PRR16: variants seen among roughly 807,000 people sequenced by gnomAD.
PRR16 encodes protein Largen.
PRR16 carries 6 observed loss-of-function variants against 18.2 expected under a neutral mutation model. That is an observed-to-expected ratio of 0.33 (90% confidence interval 0.18 to 0.65). PRR16 has a LOEUF of 0.65. Among genes scored for constraint, PRR16 ranks in the 30% least tolerant of loss-of-function variants. The pLI is 0.74. For missense variants in PRR16, 412 were observed against 376.6 expected (o/e 1.09, Z -0.78); for synonymous variants, 151 against 147.8 (o/e 1.02, Z -0.16).
At chr5:120,767,949 C>T in the PRR16 span, among the ~76,000 whole-genome samples, 1 of 151,746 alleles carries the variant, frequency 6.6e-6, no homozygotes, top group African/African-American at 2.4e-5. Context: ...TTATAAAAGT[C>T]ACCACTTAAA....
chr5:120,576,460 A>G (rs753434578), intron 1 of PRR16, among the ~76,000 whole-genome samples: 8 of 152,178 alleles, frequency 5.3e-5, no homozygotes, highest in Admixed American at 1.3e-4. Flanking sequence ...TAAAACTACA[A>G]TGAGACATTA....
the PRR16 span, among the ~76,000 whole-genome samples, chr5:120,773,925 G>T: frequency 6.6e-6 from 1 of 152,020 alleles, no homozygotes; most frequent in Non-Finnish European, 1.5e-5. Flanking sequence ...GCATCTCTAT[G>T]TGTGGGTATT....
chr5:120,541,912 C>G (rs938142342), intron 1 of PRR16, among the ~76,000 whole-genome samples: 3 of 151,844 alleles, frequency 2.0e-5, no homozygotes, highest in African/African-American at 7.3e-5. Context: ...GAATTTACCC[C>G]CTTCCTTTCC....
At chr5:120,509,571 A>C (rs1261001028) in intron 1 of PRR16, among the ~76,000 whole-genome samples, 1 of 152,060 alleles carries the variant, frequency 6.6e-6, no homozygotes, top group African/African-American at 2.4e-5. Context: ...CTCATAGTTA[A>C]ATGTAGTAGT....
chr5:120,719,501 C>T, the PRR16 span, among the ~76,000 whole-genome samples: 2 of 151,930 alleles, frequency 1.3e-5, no homozygotes, highest in Admixed American at 6.6e-5. Flanking sequence ...CTGTTATAAT[C>T]GCAAAAGGAC....
intron 1 of PRR16, among the ~76,000 whole-genome samples, chr5:120,613,660 G>T (rs556587509): frequency 6.6e-6 from 1 of 152,074 alleles, no homozygotes; most frequent in Non-Finnish European, 1.5e-5. Flanking sequence ...GGTCTTCTAT[G>T]CAATTTCAAC....
At chr5:120,702,650 C>T in the PRR16 span, among the ~76,000 whole-genome samples, 228 of 152,228 alleles carry the variant, frequency 1.5e-3, 2 homozygotes, top group Non-Finnish European at 3.8e-4. Context: ...CCGTGACCGG[C>T]GCCGGAGTTT....
At chr5:120,550,271 G>C (rs968844082) in intron 1 of PRR16, among the ~76,000 whole-genome samples, 2 of 152,004 alleles carry the variant, frequency 1.3e-5, no homozygotes, top group African/African-American at 4.8e-5. Flanking sequence ...TGCATGTTGG[G>C]TTTGAATAGC....
At chr5:120,576,730 C>G (rs1753090872) in intron 1 of PRR16, among the ~76,000 whole-genome samples, 1 of 152,112 alleles carries the variant, frequency 6.6e-6, no homozygotes, top group African/African-American at 2.4e-5. Flanking sequence ...TCCTAAGTTT[C>G]TAGCCTCCTG....
At chr5:120,682,877 C>A (rs1757013680) in intron 1 of PRR16, among the ~76,000 whole-genome samples, 1 of 152,040 alleles carries the variant, frequency 6.6e-6, no homozygotes, top group Non-Finnish European at 1.5e-5. Context: ...AAGAAATAAC[C>A]CTCGGAGCAT....
At chr5:120,571,059 A>C (rs1380508920) in intron 1 of PRR16, among the ~76,000 whole-genome samples, 2 of 152,154 alleles carry the variant, frequency 1.3e-5, no homozygotes, top group African/African-American at 4.8e-5. Flanking sequence ...GTCTTCTCTT[A>C]GAAGACGGCA....
the PRR16 span, among the ~76,000 whole-genome samples, chr5:120,755,140 T>G: frequency 6.6e-6 from 1 of 151,852 alleles, no homozygotes; most frequent in East Asian, 1.9e-4. Context: ...TGGATACATA[T>G]GTAACAAACC....
chr5:120,772,049 A>G, the PRR16 span, among the ~76,000 whole-genome samples: 7 of 152,202 alleles, frequency 4.6e-5, no homozygotes, highest in East Asian at 1.2e-3. Context: ...ATTTTAAATA[A>G]TCATGTATTA....
chr5:120,780,799 C>A, the PRR16 span, among the ~76,000 whole-genome samples: 1 of 152,220 alleles, frequency 6.6e-6, no homozygotes, highest in African/African-American at 2.4e-5. Context: ...GCCTGTAATC[C>A]CGGCGCTCTG....
the PRR16 span, among the ~76,000 whole-genome samples, chr5:120,703,157 T>TG: frequency 6.8e-6 from 1 of 147,896 alleles, no homozygotes; most frequent in African/African-American, 2.5e-5. Context: ...CGGGCAGGAG[T>TG]GGGGGTCGCA....
the PRR16 span, among the ~76,000 whole-genome samples, chr5:120,755,275 C>T: frequency 1.3e-5 from 2 of 151,774 alleles, no homozygotes; most frequent in African/African-American, 4.8e-5. Context: ...GCATGTTTGG[C>T]CTCTTATGTG....
chr5:120,665,465 G>A (rs1051744377), intron 1 of PRR16, among the ~76,000 whole-genome samples: 1 of 152,054 alleles, frequency 6.6e-6, no homozygotes, highest in African/African-American at 2.4e-5. Flanking sequence ...AGTTTAATTA[G>A]ATCCCATTTG....
chr5:120,706,225 A>G, the PRR16 span, among the ~76,000 whole-genome samples: 1 of 152,142 alleles, frequency 6.6e-6, no homozygotes, highest in African/African-American at 2.4e-5. Context: ...ATTAAAATGG[A>G]CTTCACGATT....
the PRR16 span, among the ~76,000 whole-genome samples, chr5:120,785,525 T>C: frequency 6.6e-6 from 1 of 151,802 alleles, no homozygotes; most frequent in Non-Finnish European, 1.5e-5. Flanking sequence ...TTTGATTTAC[T>C]TGTACACATA....
Sources: gnomAD v4.1 joint callset for allele counts (sites outside exome capture counted in the v4.1 genomes callset) on GRCh38, gnomAD v4.1.1 for gene constraint, MANE v1.5 for transcripts, NCBI Gene and HGNC (gene_info 2026-07-23, HGNC 2026-07-21) for gene names.